Variants in SULT1E1 observed in about 807,000 individuals in gnomAD.
The protein encoded by SULT1E1 is sulfotransferase family 1E member 1.
SULT1E1 carries 36 observed loss-of-function variants against 33.6 expected under a neutral mutation model. The ratio of observed to expected loss-of-function variants is 1.07; its 90% CI spans 0.82 to 1.41. SULT1E1 has a LOEUF of 1.41. Among genes scored for constraint, SULT1E1 ranks in the 40% most tolerant of loss-of-function variants. The pLI is 0.00. For synonymous variants in SULT1E1, 121 were observed against 111.7 expected (o/e 1.08, Z -0.53); for missense variants, 371 against 345.7 (o/e 1.07, Z -0.58).
chr4:69,853,252 T>C (rs1006519205), intron 4 of SULT1E1, among the ~76,000 whole-genome samples: 1 of 152,154 alleles, frequency 6.6e-6, no homozygotes, highest in East Asian at 1.9e-4. Context: ...TCAGACTTCA[T>C]GTTTTCTCTG....
intron 7 of SULT1E1, among the ~76,000 whole-genome samples, 168 bp downstream of exon 7, chr4:69,843,993 T>C (rs1434324329): frequency 6.6e-6 from 1 of 152,180 alleles, no homozygotes; most frequent in African/African-American, 2.4e-5. Flanking sequence ...CAACAGGTAA[T>C]TGCAATGTAA....
chr4:69,834,085 T>C, the SULT1E1 span, among the ~76,000 whole-genome samples: 1 of 152,160 alleles, frequency 6.6e-6, no homozygotes, highest in South Asian at 2.1e-4. Flanking sequence ...GACCTCATTT[T>C]CTTCTGCCCA....
intron 4 of SULT1E1, among the ~76,000 whole-genome samples, chr4:69,852,833 C>T (rs1721155484): frequency 6.6e-6 from 1 of 152,086 alleles, no homozygotes; most frequent in Non-Finnish European, 1.5e-5. Flanking sequence ...ATGTCTGGTA[C>T]CTGTTTCCAT....
At chr4:69,859,418 A>G (rs1300077130) in intron 1 of SULT1E1, among the ~76,000 whole-genome samples, 1 of 152,044 alleles carries the variant, frequency 6.6e-6, no homozygotes, top group Non-Finnish European at 1.5e-5. Context: ...TCTTAGATTT[A>G]CCTGTATGAG....
At chr4:69,835,993 C>A in the SULT1E1 span, among the ~76,000 whole-genome samples, 167 of 152,254 alleles carry the variant, frequency 1.1e-3, no homozygotes, top group African/African-American at 3.7e-3. Flanking sequence ...GCTATTACAT[C>A]ATTGTCATTG....
At chr4:69,850,221 G>T (rs1353119977) in intron 4 of SULT1E1, among the ~76,000 whole-genome samples, 1 of 151,964 alleles carries the variant, frequency 6.6e-6, no homozygotes, top group African/African-American at 2.4e-5. Context: ...AGTAATTTTT[G>T]ACCTAAATGT....
At chr4:69,854,159 A>C in intron 4 of SULT1E1, 58 bp downstream of exon 4, 1 of 1,239,512 alleles carries the variant, frequency 8.1e-7, no homozygotes, top group South Asian at 1.3e-5. Flanking sequence ...AACTGATGAG[A>C]TCACTCTATC....
At chr4:69,845,371 T>C (rs1720953032) in intron 6 of SULT1E1, among the ~76,000 whole-genome samples, 1 of 151,790 alleles carries the variant, frequency 6.6e-6, no homozygotes. Context: ...TTATTACGCA[T>C]GGTGGCCTAT....
At chr4:69,844,381 C>A in intron 6 of SULT1E1, 40 bp from the exon 7 acceptor site, 1 of 1,450,358 alleles carries the variant, frequency 6.9e-7, no homozygotes, top group Non-Finnish European at 9.4e-7. Flanking sequence ...ATTGCTAAAA[C>A]TGAATAAATC....
At chr4:69,832,865 G>A in the SULT1E1 span, among the ~76,000 whole-genome samples, 5 of 152,142 alleles carry the variant, frequency 3.3e-5, no homozygotes, top group African/African-American at 4.8e-5. Flanking sequence ...CATGGGATTC[G>A]AGGGGGAAGT....
chr4:69,847,582 A>G, intron 6 of SULT1E1, 116 bp downstream of exon 6: 1 of 592,988 alleles, frequency 1.7e-6, no homozygotes. Flanking sequence ...TTCCTTTTAA[A>G]AATTTACGAG....
chr4:69,825,318 ACACT>A, the SULT1E1 span, among the ~76,000 whole-genome samples: 1 of 152,204 alleles, frequency 6.6e-6, no homozygotes, highest in Non-Finnish European at 1.5e-5. Flanking sequence ...AAGAACTGTA[ACACT>A]CACCGCGAGG....
chr4:69,834,130 C>T, the SULT1E1 span, among the ~76,000 whole-genome samples: 1 of 152,124 alleles, frequency 6.6e-6, no homozygotes. Flanking sequence ...AGATCCTACT[C>T]CTTCCAAGCT....
At chr4:69,857,130 G>A (rs1721257293) in intron 2 of SULT1E1, among the ~76,000 whole-genome samples, 1 of 152,066 alleles carries the variant, frequency 6.6e-6, no homozygotes, top group African/African-American at 2.4e-5. Flanking sequence ...TAAAGGGCTG[G>A]TGAGCTGAAA....
At chr4:69,833,137 C>A in the SULT1E1 span, among the ~76,000 whole-genome samples, 1 of 152,178 alleles carries the variant, frequency 6.6e-6, no homozygotes, top group South Asian at 2.1e-4. Flanking sequence ...TATGGTTCTG[C>A]AATTTATATG....
intron 3 of SULT1E1, 46 bp from the exon 4 acceptor site, chr4:69,854,360 C>T (rs779186633): frequency 7.7e-5 from 95 of 1,234,098 alleles, no homozygotes; most frequent in South Asian, 7.4e-4. Flanking sequence ...AAAATTGTAA[C>T]TATTTATGTG....
intron 4 of SULT1E1, among the ~76,000 whole-genome samples, chr4:69,853,040 A>C (rs1721159396): frequency 6.6e-6 from 1 of 152,180 alleles, no homozygotes; most frequent in Non-Finnish European, 1.5e-5. Flanking sequence ...TAATGATAAA[A>C]ACAAACTAAC....
the SULT1E1 span, among the ~76,000 whole-genome samples, chr4:69,826,333 G>T: frequency 0.11 from 16,488 of 152,050 alleles, 1,048 homozygotes; most frequent in Middle Eastern, 0.18. Flanking sequence ...ATTTTTCTCA[G>T]TCCTTTTTGT....
chr4:69,824,467 G>A, the SULT1E1 span, among the ~76,000 whole-genome samples: 1 of 152,176 alleles, frequency 6.6e-6, no homozygotes, highest in African/African-American at 2.4e-5. Context: ...TCCCAGAGGA[G>A]GAGCTCCTTT....
Sources: allele counts gnomAD v4.1 joint callset (sites outside exome capture counted in the v4.1 genomes callset), GRCh38; gene constraint gnomAD v4.1.1; transcripts MANE v1.5; gene names NCBI Gene and HGNC (gene_info 2026-07-23, HGNC 2026-07-21).